Variants in EEFSEC observed in about 807,000 individuals in gnomAD.
The protein encoded by EEFSEC is eukaryotic elongation factor, selenocysteine-tRNA specific, also known as selenocysteine-specific elongation factor.
Under a neutral mutation model 42.1 loss-of-function variants are expected in EEFSEC, and 43 were observed. That is an observed-to-expected ratio of 1.02 (90% CI 0.80 to 1.32). EEFSEC has a LOEUF of 1.32. Among genes scored for constraint, EEFSEC ranks in the 40% most tolerant of loss-of-function variants. The pLI, the probability that EEFSEC is intolerant of heterozygous loss-of-function variation, is 0.00. For synonymous variants in EEFSEC, 354 were observed against 339.1 expected (o/e 1.04, Z -0.48); for missense variants, 745 against 803.6 (o/e 0.93, Z 0.88).
chr3:128,176,981 GATTATTATT>G (rs71615969), intron 1 of EEFSEC, among the ~76,000 whole-genome samples: 4 of 146,592 alleles, frequency 2.7e-5, no homozygotes, highest in East Asian at 4.0e-4. Flanking sequence ...GAACATACTG[GATTATTATT>G]ATTATTATTA....
chr3:128,347,410 A>T (rs2067325545), intron 5 of EEFSEC, among the ~76,000 whole-genome samples: 1 of 152,218 alleles, frequency 6.6e-6, no homozygotes, highest in African/African-American at 2.4e-5. Context: ...GCATATGGTG[A>T]TAAGGGAAAT....
intron 6 of EEFSEC, among the ~76,000 whole-genome samples, chr3:128,407,739 C>T (rs2107642267): frequency 6.6e-6 from 1 of 152,282 alleles, no homozygotes; most frequent in East Asian, 1.9e-4. Flanking sequence ...GAGTACCCCA[C>T]CCAGGGAGCC....
At chr3:128,226,496 A>G (rs539450691) in intron 1 of EEFSEC, among the ~76,000 whole-genome samples, 1 of 152,170 alleles carries the variant, frequency 6.6e-6, no homozygotes, top group Non-Finnish European at 1.5e-5. Flanking sequence ...GTGCATGCTC[A>G]GCATCCTCCG....
At chr3:128,297,492 C>T (rs1042613677) in intron 4 of EEFSEC, among the ~76,000 whole-genome samples, 1 of 152,162 alleles carries the variant, frequency 6.6e-6, no homozygotes, top group Non-Finnish European at 1.5e-5. Flanking sequence ...GAAAGCCCAG[C>T]CCAATCCCAG....
At chr3:128,381,033 C>T (rs771784923) in intron 6 of EEFSEC, among the ~76,000 whole-genome samples, 9 of 152,334 alleles carry the variant, frequency 5.9e-5, no homozygotes, top group Non-Finnish European at 1.2e-4. Flanking sequence ...AATATCAGGC[C>T]TTGACAGGGA....
chr3:128,293,687 A>AAAAAG (rs1559906687), intron 4 of EEFSEC, among the ~76,000 whole-genome samples: 1 of 147,602 alleles, frequency 6.8e-6, no homozygotes, highest in African/African-American at 2.6e-5. Flanking sequence ...AAAAAAAAAA[A>AAAAAG]CTTCCCTTAT....
At position 128,408,254 on chromosome 3, in the gene EEFSEC, C is replaced by G. The variant is rs750407527; in HGVS notation, c.1786C>G (p.Pro596Ala). The change falls in exon 7 of 7, where the codon CCC becomes GCC. Residue 596 changes from proline to alanine, a missense_variant. By Grantham distance (27) the Pro-to-Ala change is conservative (BLOSUM62 -1). Coordinates refer to ENST00000254730, the MANE Select transcript of EEFSEC (RefSeq NM_021937.5). ...CACCCACAAGCGCATGGTTCAGTCTCCCTGAGTGTCCGGTGACCTCCCCCA... is the reference window on the plus strand; with the variant it reads ...CACCCACAAGCGCATGGTTCAGTCTGCCTGAGTGTCCGGTGACCTCCCCCA... Reference protein sequence around the residue: ...FDTHKRMVQSP With the variant: ...FDTHKRMVQSA 1 of 1,579,308 alleles carries G rather than the reference C, an allele frequency of 6.3e-7. No homozygotes were observed. Among genetic ancestry groups the G allele is most frequent in the Non-Finnish European group, 8.6e-7 (1 of 1,159,590 alleles).
intron 5 of EEFSEC, among the ~76,000 whole-genome samples, chr3:128,343,410 CCCCTTCCTCT>C (rs542347530): frequency 6.6e-6 from 1 of 152,164 alleles, no homozygotes; most frequent in Non-Finnish European, 1.5e-5. Flanking sequence ...TGAGGAGCAA[CCCCTTCCTCT>C]CCCTTCCTCA....
At chr3:128,375,472 A>T (rs2067698410) in intron 6 of EEFSEC, among the ~76,000 whole-genome samples, 1 of 152,112 alleles carries the variant, frequency 6.6e-6, no homozygotes, top group South Asian at 2.1e-4. Flanking sequence ...GGCATTTGGC[A>T]TGCTTCGCAG....
chr3:128,191,862 A>G (rs1301075020), intron 1 of EEFSEC, among the ~76,000 whole-genome samples: 1 of 152,114 alleles, frequency 6.6e-6, no homozygotes. Context: ...CCATCTATTA[A>G]TGGGCACTTG....
intron 2 of EEFSEC, among the ~76,000 whole-genome samples, chr3:128,257,349 C>A (rs2066251440): frequency 6.6e-6 from 1 of 152,158 alleles, no homozygotes; most frequent in African/African-American, 2.4e-5. Context: ...TGCTCAGATG[C>A]TCTCCAGAGG....
intron 1 of EEFSEC, among the ~76,000 whole-genome samples, chr3:128,228,548 T>C (rs1251136957): frequency 6.6e-6 from 1 of 152,016 alleles, no homozygotes; most frequent in African/African-American, 2.4e-5. Flanking sequence ...CTGGCCTTCT[T>C]GTTCCTTGCC....
chr3:128,309,971 A>G (rs533605387), intron 4 of EEFSEC, among the ~76,000 whole-genome samples: 1 of 152,322 alleles, frequency 6.6e-6, no homozygotes, highest in Admixed American at 6.5e-5. Flanking sequence ...TTTAAAATAG[A>G]CACACTTGGA....
intron 1 of EEFSEC, among the ~76,000 whole-genome samples, chr3:128,221,112 A>G (rs1463396401): frequency 6.6e-6 from 1 of 152,136 alleles, no homozygotes; most frequent in African/African-American, 2.4e-5. Flanking sequence ...GCAATTTACC[A>G]TGTTTTTTCA....
At chr3:128,283,134 G>T (rs112332841) in intron 4 of EEFSEC, among the ~76,000 whole-genome samples, 31 of 152,374 alleles carry the variant, frequency 2.0e-4, no homozygotes, top group African/African-American at 6.5e-4. Context: ...TTTGGGCCTT[G>T]CTCCCTTGCC....
intron 4 of EEFSEC, among the ~76,000 whole-genome samples, chr3:128,277,548 G>A (rs2066481838): frequency 6.6e-6 from 1 of 152,214 alleles, no homozygotes; most frequent in African/African-American, 2.4e-5. Flanking sequence ...GAGTGAGCCA[G>A]CCAGAGCTGT....
At chr3:128,212,095 T>A (rs910138092) in intron 1 of EEFSEC, among the ~76,000 whole-genome samples, 1 of 151,098 alleles carries the variant, frequency 6.6e-6, no homozygotes, top group African/African-American at 2.4e-5. Flanking sequence ...TCTCCTGACC[T>A]CATGATCTGC....
chr3:128,337,756 A>G (rs1373495738), intron 4 of EEFSEC, among the ~76,000 whole-genome samples: 1 of 152,242 alleles, frequency 6.6e-6, no homozygotes, highest in Admixed American at 6.5e-5. Context: ...AGAGATGCAC[A>G]TTTGATAGGC....
rs536178288 is a variant in EEFSEC at position 128,338,880 on chromosome 3, CGTGGCAGGA to C, written c.787-2352_787-2344del. On this transcript the variant is annotated intron_variant, in intron 4 of 6. Coordinates refer to ENST00000254730, the MANE Select transcript of EEFSEC (RefSeq NM_021937.5). ...CAGCTGACCAGAGGATCTTCCTGCT[CGTGGCAGGA>C]CCATGACAAGCTTTGAAAGCCATGA... 3.0e-3 allele frequency among the ~76,000 whole-genome samples: 459 copies of C among 152,246 alleles called. 7 individuals are homozygous for C. Among genetic ancestry groups the C allele is most frequent in the African/African-American group, 0.011 (447 of 41,546 alleles).
Sources: gnomAD v4.1 joint callset for allele counts (sites outside exome capture counted in the v4.1 genomes callset) on GRCh38, gnomAD v4.1.1 for gene constraint, MANE v1.5 for transcripts, NCBI Gene and HGNC (gene_info 2026-07-23, HGNC 2026-07-21) for gene names.